TTC28: variants seen among roughly 807,000 people sequenced by gnomAD.
The protein encoded by TTC28 is tetratricopeptide repeat protein 28.
Under a neutral mutation model 198.0 loss-of-function variants are expected in TTC28, and 61 were observed. The observed-to-expected ratio is 0.31, with a 90% confidence interval of 0.25 to 0.38. TTC28 has a LOEUF of 0.38. TTC28 is among the 10% of genes least tolerant of loss of function. The pLI is 1.00. For synonymous variants in TTC28, 1,171 were observed against 1,297.8 expected, an observed-to-expected ratio of 0.90 and a Z score of 2.10; for missense variants, 2,678 against 3,164.0, an observed-to-expected ratio of 0.85 and a Z score of 3.69.
chr22:28,430,649 A>G (rs2047416918), intron 2 of TTC28, among the ~76,000 whole-genome samples: 1 of 152,248 alleles, frequency 6.6e-6, no homozygotes, highest in African/African-American at 2.4e-5. Context: ...CAGCTGCTGT[A>G]GTATTTATAA....
intron 1 of TTC28, among the ~76,000 whole-genome samples, chr22:28,660,151 T>G (rs1173228033): frequency 1.3e-5 from 2 of 152,192 alleles, no homozygotes; most frequent in African/African-American, 4.8e-5. Context: ...TATCTTTATT[T>G]CACAAACCTG....
intron 5 of TTC28, among the ~76,000 whole-genome samples, chr22:28,273,616 G>A (rs1932232954): frequency 6.6e-6 from 1 of 152,058 alleles, no homozygotes; most frequent in Non-Finnish European, 1.5e-5. Flanking sequence ...ATGGAACATG[G>A]TACAAAGGTA....
At chr22:28,078,752 A>T (rs1184814241) in intron 12 of TTC28, among the ~76,000 whole-genome samples, 1 of 152,162 alleles carries the variant, frequency 6.6e-6, no homozygotes, top group African/African-American at 2.4e-5. Flanking sequence ...TTAAGCATCT[A>T]CTATGTTCCT....
At chr22:28,123,016 T>C (rs1392520273) in intron 6 of TTC28, among the ~76,000 whole-genome samples, 2 of 152,100 alleles carry the variant, frequency 1.3e-5, no homozygotes, top group East Asian at 3.9e-4. Flanking sequence ...AAGAAACACA[T>C]CTTCTGGTAC....
intron 2 of TTC28, among the ~76,000 whole-genome samples, chr22:28,554,338 C>T (rs2049753307): frequency 6.6e-6 from 1 of 150,752 alleles, no homozygotes. Flanking sequence ...CTGCCAAATC[C>T]CCCTCTGCAA....
rs1362978210 is a variant in TTC28, at chr22:28,216,516, T to C, written c.934-52917A>G. The stretch of plus-strand genomic sequence containing the variant: ...TAGTAAGGAATAGATTGTGTTTATA[T>C]CATCTTTGCTACACGTAATTCTAGT... On this transcript the variant is annotated intron_variant, in intron 5 of 22. Transcript: ENST00000397906. Among the ~76,000 whole-genome samples, 3 of 152,232 alleles carry C rather than the reference T, an allele frequency of 2.0e-5. No individual in the cohort carries two copies. In the East Asian group the frequency reaches 5.8e-4, roughly 30 times the overall value.
chr22:28,527,427 A>T (rs2049024822), intron 2 of TTC28, among the ~76,000 whole-genome samples: 1 of 152,126 alleles, frequency 6.6e-6, no homozygotes, highest in African/African-American at 2.4e-5. Context: ...GCCTGTGCCC[A>T]AGAGAGTTGC....
Position 28,343,958 on chromosome 22 carries a change from T to C in TTC28, c.382-37315A>G, listed in dbSNP as rs117288853. On this transcript the variant is annotated intron_variant, in intron 2 of 22. Coordinates refer to ENST00000397906, the MANE Select transcript of TTC28 (RefSeq NM_001145418.2). ...ATACGCTATTGTTTACATATTAATA[T>C]AACCACATATATGTATAAATTCAGT... Among the ~76,000 whole-genome samples, 268 of 152,286 alleles carry C rather than the reference T, an allele frequency of 1.8e-3. 8 individuals carry two copies. In the East Asian group the frequency reaches 0.046, roughly 26 times the overall value.
chr22:28,503,760 G>T (rs695267), intron 2 of TTC28, among the ~76,000 whole-genome samples: 63,387 of 151,966 alleles, frequency 0.42, 13,531 homozygotes, highest in South Asian at 0.48. Flanking sequence ...GAAGTATCTG[G>T]CAAAAATTAA....
At chr22:28,589,148 A>G (rs997885755) in intron 2 of TTC28, among the ~76,000 whole-genome samples, 1 of 152,232 alleles carries the variant, frequency 6.6e-6, no homozygotes, top group Non-Finnish European at 1.5e-5. Flanking sequence ...TTCTAAAGAT[A>G]GAACTACCAG....
intron 12 of TTC28, among the ~76,000 whole-genome samples, chr22:28,087,065 G>C (rs564072433): frequency 1.3e-5 from 2 of 151,960 alleles, no homozygotes; most frequent in African/African-American, 4.8e-5. Context: ...GATTCACAGC[G>C]GAATTCTACC....
At chr22:28,481,302 G>T (rs138652204) in intron 2 of TTC28, among the ~76,000 whole-genome samples, 19 of 152,170 alleles carry the variant, frequency 1.2e-4, no homozygotes, top group African/African-American at 4.6e-4. Flanking sequence ...AGTAACACTG[G>T]GCTTACTGTT....
At chr22:28,488,608 A>C (rs1291916126) in intron 2 of TTC28, among the ~76,000 whole-genome samples, 1 of 152,216 alleles carries the variant, frequency 6.6e-6, no homozygotes, top group Admixed American at 6.5e-5. Context: ...TGCTTAAAGC[A>C]GAAAAAATAA....
rs35534789 is a variant in TTC28 at position 28,081,493 on chromosome 22, A to AT, written c.3932+12586dup. On this transcript the variant is annotated intron_variant, in intron 12 of 22. Transcript: ENST00000397906. Reference sequence around the variant, plus strand: ...ATTTCTGTAAAAGTATGCCACCAGGATTTTTTTTTTTTTTTTTTAGGTGGA... The same window carrying AT: ...ATTTCTGTAAAAGTATGCCACCAGGATTTTTTTTTTTTTTTTTTTAGGTGGA... Among the ~76,000 whole-genome samples the AT allele has an allele frequency of 6.7e-3, 843 of 125,558 alleles. 9 individuals carry two copies. Among genetic ancestry groups the AT allele is most frequent in the South Asian group, 0.035 (139 of 3,934 alleles). The allele number at this position is 125,558 out of a possible 152,430, so 82.4% of individuals were successfully genotyped here. A position where few individuals can be genotyped will look rare whatever the true frequency, so the allele number is the denominator to read the frequency against.
intron 2 of TTC28, among the ~76,000 whole-genome samples, chr22:28,626,234 T>C (rs894978589): frequency 2.6e-5 from 4 of 152,124 alleles, no homozygotes; most frequent in Admixed American, 6.6e-5. Context: ...TGGGTTCCCA[T>C]AGTGCTTTGT....
At chr22:28,335,354 A>G (rs1225989423) in intron 2 of TTC28, among the ~76,000 whole-genome samples, 2 of 152,148 alleles carry the variant, frequency 1.3e-5, no homozygotes, top group Non-Finnish European at 2.9e-5. Flanking sequence ...TTTTGGTTCC[A>G]TATGAACTTT....
intron 5 of TTC28, among the ~76,000 whole-genome samples, chr22:28,165,451 G>A (rs944864874): frequency 6.6e-6 from 1 of 151,468 alleles, no homozygotes; most frequent in Non-Finnish European, 1.5e-5. Flanking sequence ...ACCCACAAAG[G>A]GAAGCCCATC....
intron 3 of TTC28, chr22:28,303,740 A>G (rs2045074333): frequency 6.5e-6 from 1 of 152,748 alleles, no homozygotes; most frequent in Non-Finnish European, 1.5e-5. Flanking sequence ...GCTGCATTCA[A>G]GGATTACAAA....
intron 8 of TTC28, 133 bp from the exon 9 acceptor site, chr22:28,101,413 TG>T: frequency 2.8e-6 from 2 of 721,880 alleles, no homozygotes. Context: ...TTCCCCAGAC[TG>T]GAGTGCAGTG....
Sources: gnomAD v4.1 joint callset for allele counts (sites outside exome capture counted in the v4.1 genomes callset) on GRCh38, gnomAD v4.1.1 for gene constraint, MANE v1.5 for transcripts, NCBI Gene and HGNC (gene_info 2026-07-23, HGNC 2026-07-21) for gene names.